Variants in COL4A1 observed in about 807,000 individuals in gnomAD.
The protein encoded by COL4A1 is collagen alpha-1(IV) chain.
COL4A1 carries 40 observed loss-of-function variants against 216.6 expected under a neutral mutation model. That is an observed-to-expected ratio of 0.18 (90% CI 0.14 to 0.24). The LOEUF (loss-of-function observed/expected upper bound fraction) is 0.24, where lower values mean the gene tolerates loss of function less well. Among genes scored for constraint, COL4A1 ranks in the 10% least tolerant of loss-of-function variants. The pLI is 1.00. For synonymous variants in COL4A1, 839 were observed against 810.7 expected (o/e 1.03, Z -0.59); for missense variants, 1,628 against 2,196.8 (o/e 0.74, Z 5.18).
intron 2 of COL4A1, among the ~76,000 whole-genome samples, chr13:110,220,670 C>T (rs1235772326): frequency 6.7e-6 from 1 of 150,196 alleles, no homozygotes; most frequent in Non-Finnish European, 1.5e-5. Context: ...TTTCATGGGC[C>T]TCCACCGTCC....
intron 44 of COL4A1, 27 bp downstream of exon 44, chr13:110,167,131 T>TGCA (rs774615226): frequency 3.2e-5 from 51 of 1,598,222 alleles, no homozygotes; most frequent in Non-Finnish European, 4.1e-5. Flanking sequence ...CTGCAAAGGC[T>TGCA]GTGCAGCAAG....
chr13:110,169,888 C>T (rs1347570733), intron 42 of COL4A1, 126 bp from the exon 43 acceptor site: 1 of 1,377,590 alleles, frequency 7.3e-7, no homozygotes, highest in East Asian at 2.6e-5. Flanking sequence ...CAGTGACAAC[C>T]CTTGAGACAG....
At chr13:110,182,004 T>C (rs1359041127) in intron 28 of COL4A1, among the ~76,000 whole-genome samples, 1 of 152,220 alleles carries the variant, frequency 6.6e-6, no homozygotes, top group Non-Finnish European at 1.5e-5. Flanking sequence ...TCTGTGAGGC[T>C]GCTGCACAGA....
intron 24 of COL4A1, among the ~76,000 whole-genome samples, chr13:110,189,200 AT>A (rs538373640): frequency 0.012 from 1,818 of 152,282 alleles, 12 homozygotes; most frequent in Non-Finnish European, 0.017. Context: ...AGCAGCTGGG[AT>A]TATAGGCATA....
intron 1 of COL4A1, among the ~76,000 whole-genome samples, chr13:110,271,841 G>T (rs1460209122): frequency 6.6e-6 from 1 of 152,148 alleles, no homozygotes; most frequent in Non-Finnish European, 1.5e-5. Context: ...TTAACATTTG[G>T]GGAATTTGGA....
intron 1 of COL4A1, among the ~76,000 whole-genome samples, chr13:110,248,220 T>C (rs553437396): frequency 3.9e-4 from 59 of 152,272 alleles, no homozygotes; most frequent in African/African-American, 1.4e-3. Context: ...CCCAACTAAA[T>C]AAGCGTATGG....
At chr13:110,261,383 CGG>C (rs1882819569) in intron 1 of COL4A1, among the ~76,000 whole-genome samples, 1 of 152,222 alleles carries the variant, frequency 6.6e-6, no homozygotes, top group South Asian at 2.1e-4. Context: ...TTCCACCTCT[CGG>C]ATTTGGGAGC....
Position 110,192,881 on chromosome 13 carries a change from T to C in COL4A1, c.1414A>G (p.Ile472Val). The change falls in exon 23 of 52, where the codon ATA becomes GTA. Residue 472 changes from isoleucine to valine, a missense_variant. Physicochemically the swap from Ile to Val is conservative, Grantham distance 29 (BLOSUM62 3). This residue lies in a region of COL4A1 where 701 missense variants were observed against 892.5 expected (regional missense o/e 0.79). Transcript: ENST00000375820. Reference sequence around the variant, plus strand: ...CCGGGAGGCCCCCGATATCCGTCTATATCACAGATGAGGCAACTCTCTCCT... The same window carrying C: ...CCGGGAGGCCCCCGATATCCGTCTACATCACAGATGAGGCAACTCTCTCCT... ...QKGESCLICD[I>V]DGYRGPPGPQ... is the part of the protein sequence containing the mutation. 6.2e-7 allele frequency: 1 copy of C among 1,614,140 alleles called. No homozygotes were observed. The highest frequency in any genetic ancestry group is 8.5e-7 in the Non-Finnish European group (1 of 1,180,006).
chr13:110,157,161 T>C (rs1372353089), intron 49 of COL4A1, among the ~76,000 whole-genome samples: 1 of 152,186 alleles, frequency 6.6e-6, no homozygotes, highest in East Asian at 1.9e-4. Flanking sequence ...ATATTGCATA[T>C]GAAGAAACTA....
intron 45 of COL4A1, among the ~76,000 whole-genome samples, chr13:110,165,454 C>T (rs914399507): frequency 2.6e-5 from 4 of 152,148 alleles, no homozygotes; most frequent in African/African-American, 9.7e-5. Context: ...AATCCTTCTT[C>T]TGCATGGCAA....
Position 110,161,230 on chromosome 13 carries a change from T to A in COL4A1, c.4602A>T (p.Ala1534=), listed in dbSNP as rs1566339525. The A allele has an allele frequency of 6.2e-7, 1 of 1,614,206 alleles. No individual in the cohort carries two copies. The highest frequency in any genetic ancestry group is 1.1e-5 in the South Asian group (1 of 91,080). The change falls in exon 49 of 52, where the codon GCA becomes GCT. Residue 1534 remains alanine, a synonymous_variant. Transcript: ENST00000375820. ...STPEPMPMSM[A]PITGENIRPF... is the part of the protein sequence containing the mutation. ...GTCTTATGTTTTCCCCCGTGATGGGTGCCATTGACATGGGCATGGGCTCAG... is the reference window on the plus strand; with the variant it reads ...GTCTTATGTTTTCCCCCGTGATGGGAGCCATTGACATGGGCATGGGCTCAG...
At chr13:110,152,139 G>GA (rs1398061448) in intron 51 of COL4A1, among the ~76,000 whole-genome samples, 195 bp downstream of exon 51, 2 of 152,052 alleles carry the variant, frequency 1.3e-5, no homozygotes, top group Non-Finnish European at 2.9e-5. Context: ...TTCGGTAAAT[G>GA]AAAAAATTAA....
chr13:110,265,894 G>A (rs1883009207), intron 1 of COL4A1: 3 of 152,238 alleles, frequency 2.0e-5, no homozygotes, highest in East Asian at 1.9e-4. Flanking sequence ...AAGAGCCCGC[G>A]GGAATTCCTG....
chr13:110,274,652 G>T (rs1024508268), intron 1 of COL4A1, among the ~76,000 whole-genome samples: 5 of 152,184 alleles, frequency 3.3e-5, no homozygotes, highest in Admixed American at 2.0e-4. Flanking sequence ...TTGTTAGACA[G>T]AAATGCAATG....
At chr13:110,280,712 A>C (rs2139299803) in intron 1 of COL4A1, among the ~76,000 whole-genome samples, 1 of 152,324 alleles carries the variant, frequency 6.6e-6, no homozygotes, top group South Asian at 2.1e-4. Flanking sequence ...AATTCTGGTA[A>C]GCCTCTTTCA....
chr13:110,253,364 CATATACATATAATTATAT>C (rs1882306030), intron 1 of COL4A1, among the ~76,000 whole-genome samples: 5 of 53,606 alleles, frequency 9.3e-5, no homozygotes, highest in African/African-American at 4.8e-4. Flanking sequence ...ATATGTATTA[CATATACATATAATTATAT>C]GTATTACATA....
At chr13:110,230,756 C>A (rs1881010374) in intron 2 of COL4A1, among the ~76,000 whole-genome samples, 1 of 152,222 alleles carries the variant, frequency 6.6e-6, no homozygotes, top group African/African-American at 2.4e-5. Context: ...GTTCCTCTGC[C>A]CTGACAGGCA....
Position 110,175,114 on chromosome 13 carries a change from T to C in COL4A1, c.3198+104A>G. On this transcript the variant is annotated intron_variant, in intron 37 of 51. Transcript: ENST00000375820. Reference sequence around the variant, plus strand: ...GTGCTGCCTTATGGGACTCCCTGTGTGTTATGGCTCATTGAGTGTGCTGAG... The same window carrying C: ...GTGCTGCCTTATGGGACTCCCTGTGCGTTATGGCTCATTGAGTGTGCTGAG... The C allele has an allele frequency of 2.8e-6, 4 of 1,414,284 alleles. 1 individual carries two copies. The highest frequency in any genetic ancestry group is 2.3e-5 in the South Asian group (2 of 86,008). The allele number at this position is 1,414,284 out of a possible 1,614,324, so 87.6% of individuals were successfully genotyped here. A position where few individuals can be genotyped will look rare whatever the true frequency, so the allele number is the denominator to read the frequency against.
intron 43 of COL4A1, among the ~76,000 whole-genome samples, chr13:110,169,347 T>G (rs1302918692): frequency 6.6e-6 from 1 of 152,154 alleles, no homozygotes; most frequent in African/African-American, 2.4e-5. Context: ...GAGCCATAAT[T>G]TCCAGCAGTA....
Sources: allele counts gnomAD v4.1 joint callset (sites outside exome capture counted in the v4.1 genomes callset), GRCh38; gene constraint gnomAD v4.1.1; regional missense constraint gnomAD v4.1.1; transcripts MANE v1.5; gene names NCBI Gene and HGNC (gene_info 2026-07-23, HGNC 2026-07-21).